GABRA2: variants seen among roughly 807,000 people sequenced by gnomAD.
The protein encoded by GABRA2 is gamma-aminobutyric acid receptor subunit alpha-2.
Under a neutral mutation model 48.7 loss-of-function variants are expected in GABRA2, and 16 were observed. The ratio of observed to expected loss-of-function variants is 0.33; its 90% CI spans 0.22 to 0.50. The LOEUF (loss-of-function observed/expected upper bound fraction) is 0.50, where lower values mean the gene tolerates loss of function less well. GABRA2 is among the 20% of genes least tolerant of loss of function. The pLI is 0.98. For missense variants in GABRA2, 275 were observed against 535.6 expected (o/e 0.51, Z 4.80); for synonymous variants, 185 against 184.5 (o/e 1.00, Z -0.02).
At chr4:46,342,166 A>C (rs1733353198) in intron 3 of GABRA2, among the ~76,000 whole-genome samples, 1 of 152,042 alleles carries the variant, frequency 6.6e-6, no homozygotes, top group Admixed American at 6.6e-5. Flanking sequence ...TGAAAGTTAA[A>C]ATGACACAAA....
At position 46,249,858 on chromosome 4, in the gene GABRA2, C is replaced by T. The variant is rs996948295; in HGVS notation, c.*450G>A. The T allele has an allele frequency of 6.3e-6, 1 of 159,744 alleles. No individual in the cohort carries two copies. Among genetic ancestry groups the T allele is most frequent in the Non-Finnish European group, 1.4e-5 (1 of 72,552 alleles). The allele number at this position is 159,744 out of a possible 1,614,324, so 9.9% of individuals were successfully genotyped here. A position where few individuals can be genotyped will look rare whatever the true frequency, so the allele number is the denominator to read the frequency against. On this transcript the variant is annotated 3_prime_UTR_variant, in exon 10 of 10. Transcript: ENST00000381620. ...AGCAGGGACTCTGAGCACTCATGAA[C>T]AGAGCTGATGTCAGATACAATGTTT...
chr4:46,305,474 A>G (rs983036520), intron 7 of GABRA2, 94 bp downstream of exon 7: 5 of 1,174,926 alleles, frequency 4.3e-6, no homozygotes, highest in Non-Finnish European at 6.0e-6. Flanking sequence ...GGACCTCAAG[A>G]GCAAAAGATT....
At chr4:46,350,955 A>G (rs1735022858) in intron 3 of GABRA2, among the ~76,000 whole-genome samples, 1 of 151,742 alleles carries the variant, frequency 6.6e-6, no homozygotes, top group South Asian at 2.1e-4. Context: ...ATGATTCTGA[A>G]CTCAAAGCTG....
chr4:46,386,476 C>T (rs1286310181), intron 2 of GABRA2, among the ~76,000 whole-genome samples: 2 of 152,076 alleles, frequency 1.3e-5, no homozygotes, highest in African/African-American at 4.8e-5. Flanking sequence ...TTTCTAAATC[C>T]ATCTCCTGGG....
At chr4:46,295,062 C>T (rs1269456463) in intron 8 of GABRA2, among the ~76,000 whole-genome samples, 1 of 152,192 alleles carries the variant, frequency 6.6e-6, no homozygotes, top group Non-Finnish European at 1.5e-5. Flanking sequence ...TCCCTATGAT[C>T]AGTTGACAAA....
intron 4 of GABRA2, among the ~76,000 whole-genome samples, chr4:46,324,026 G>C (rs1215814936): frequency 2.0e-5 from 3 of 151,816 alleles, no homozygotes; most frequent in Non-Finnish European, 4.4e-5. Context: ...CCGTATAGCT[G>C]CTGCCCTCTG....
chr4:46,304,022 G>T (rs1406797637), intron 7 of GABRA2, among the ~76,000 whole-genome samples: 6 of 150,648 alleles, frequency 4.0e-5, no homozygotes, highest in Admixed American at 1.3e-4. Context: ...AGGTTTTTTT[G>T]TTTTTTTTTA....
At chr4:46,312,941 A>G (rs927448330) in intron 4 of GABRA2, among the ~76,000 whole-genome samples, 8 of 151,966 alleles carry the variant, frequency 5.3e-5, no homozygotes, top group Non-Finnish European at 1.0e-4. Flanking sequence ...TCTTCTGAAA[A>G]GAAGAAGTAA....
At chr4:46,376,677 G>C (rs547977751) in intron 3 of GABRA2, among the ~76,000 whole-genome samples, 1 of 152,046 alleles carries the variant, frequency 6.6e-6, no homozygotes, top group Non-Finnish European at 1.5e-5. Context: ...ACTTGAAGCC[G>C]AGAGTTCAAG....
chr4:46,357,188 G>A (rs1035748010), intron 3 of GABRA2, among the ~76,000 whole-genome samples: 6 of 151,718 alleles, frequency 4.0e-5, no homozygotes, highest in South Asian at 2.1e-4. Context: ...AACTCCTAGG[G>A]TGAAATATTA....
intron 1 of GABRA2, 173 bp from the exon 2 acceptor site, chr4:46,388,889 G>A (rs866768110): frequency 7.4e-7 from 1 of 1,352,390 alleles, no homozygotes. Context: ...TCTTTTTTAT[G>A]GACCCCCACC....
intron 3 of GABRA2, among the ~76,000 whole-genome samples, chr4:46,385,078 C>CATATATATATATATATATATATAT (rs36113226): frequency 7.0e-6 from 1 of 143,540 alleles, no homozygotes; most frequent in East Asian, 2.0e-4. Flanking sequence ...AATTGCCTAA[C>CATATATATATATATATATATATAT]ATATATATAT....
intron 9 of GABRA2, chr4:46,256,470 A>C: frequency 2.5e-6 from 1 of 399,914 alleles, no homozygotes; most frequent in Non-Finnish European, 4.4e-6. Context: ...ATTAAAAAAA[A>C]AATAAAACAT....
chr4:46,273,380 C>CTG (rs35001945), intron 8 of GABRA2, among the ~76,000 whole-genome samples: 1,701 of 144,406 alleles, frequency 0.012, 22 homozygotes, highest in East Asian at 0.088. Flanking sequence ...CTCTCTCCCT[C>CTG]TGTGTGTGTG....
In GABRA2 at chr4:46,245,388, A is replaced by G. The variant is rs1713532382; in HGVS notation, c.*4920T>C. Among the ~76,000 whole-genome samples the G allele has an allele frequency of 6.6e-6, 1 of 151,336 alleles. No homozygotes were observed. The highest frequency in any genetic ancestry group is 1.5e-5 in the Non-Finnish European group (1 of 67,478). On this transcript the variant is annotated 3_prime_UTR_variant, in exon 10 of 10. Transcript: ENST00000381620. ...TGGCATTCAAAGATGTTTCTATTCT[A>G]TCTCATGAAGCAGAATTGCAAGATC...
intron 1 of GABRA2, 122 bp downstream of exon 1, chr4:46,389,613 G>T: frequency 3.8e-6 from 2 of 527,340 alleles, no homozygotes; most frequent in Non-Finnish European, 4.9e-6. Flanking sequence ...GGAGGTGCGG[G>T]AATTGAGCCT....
chr4:46,341,319 C>T (rs796433039), intron 3 of GABRA2, among the ~76,000 whole-genome samples: 4 of 151,936 alleles, frequency 2.6e-5, no homozygotes, highest in Admixed American at 6.6e-5. Context: ...TTACTGAAAA[C>T]TTAAAACTTT....
At chr4:46,275,711 T>G (rs192372043) in intron 8 of GABRA2, among the ~76,000 whole-genome samples, 2 of 152,250 alleles carry the variant, frequency 1.3e-5, no homozygotes. Flanking sequence ...TGCCATAAAA[T>G]GCAGTGTGAC....
intron 3 of GABRA2, among the ~76,000 whole-genome samples, chr4:46,340,036 T>C (rs1272689091): frequency 3.3e-5 from 5 of 151,730 alleles, no homozygotes; most frequent in Non-Finnish European, 7.4e-5. Flanking sequence ...AGGTCACAAA[T>C]ATTGGTTTTA....
Sources: allele counts gnomAD v4.1 joint callset (sites outside exome capture counted in the v4.1 genomes callset), GRCh38; gene constraint gnomAD v4.1.1; transcripts MANE v1.5; gene names NCBI Gene and HGNC (gene_info 2026-07-23, HGNC 2026-07-21).